Variants in GRID2 observed in about 807,000 individuals in gnomAD.
The protein encoded by GRID2 is glutamate ionotropic receptor delta type subunit 2.
In GRID2, 33 loss-of-function variants were observed where a neutral mutation model predicts 114.8. The ratio of observed to expected loss-of-function variants is 0.29; its 90% CI spans 0.22 to 0.38. The LOEUF (loss-of-function observed/expected upper bound fraction) is 0.38. Ranked by LOEUF, GRID2 falls within the 10% of genes least tolerant of loss-of-function variation. The probability of loss-of-function intolerance (pLI) is 1.00; values close to 1 mark genes in which losing one functional copy is unlikely to be tolerated. For missense variants in GRID2, 1,184 were observed against 1,257.7 expected (o/e 0.94, Z 0.89); for synonymous variants, 505 against 449.9 (o/e 1.12, Z -1.55).
chr4:93,352,987 TG>T (rs1760951630), intron 8 of GRID2, among the ~76,000 whole-genome samples: 1 of 151,998 alleles, frequency 6.6e-6, no homozygotes, highest in South Asian at 2.1e-4. Flanking sequence ...AAAGCGGAGT[TG>T]TGAAGAGCTA....
intron 2 of GRID2, among the ~76,000 whole-genome samples, chr4:92,698,099 G>A (rs943664740): frequency 3.9e-5 from 6 of 152,078 alleles, no homozygotes; most frequent in Admixed American, 1.3e-4. Context: ...TATTGTGCAC[G>A]ACAGAGATAA....
intron 2 of GRID2, among the ~76,000 whole-genome samples, chr4:92,614,669 G>A (rs1258052791): frequency 2.0e-5 from 3 of 151,640 alleles, no homozygotes; most frequent in Non-Finnish European, 4.4e-5. Context: ...TTGATAGAAT[G>A]TGTATTTGCT....
intron 14 of GRID2, among the ~76,000 whole-genome samples, chr4:93,697,869 G>GTATGTATATATATATATATATATATA (rs1727165197): frequency 8.2e-6 from 1 of 122,656 alleles, no homozygotes; most frequent in Non-Finnish European, 1.7e-5. Flanking sequence ...CACAATGTGT[G>GTATGTATATATATATATATATATATA]TATATATATA....
chr4:92,803,604 T>C (rs1740275583), intron 2 of GRID2, among the ~76,000 whole-genome samples: 2 of 151,982 alleles, frequency 1.3e-5, no homozygotes, highest in South Asian at 4.1e-4. Context: ...TTTCTGTGTG[T>C]TTATAGAATT....
In GRID2 at chr4:92,445,328, C is replaced by T. The variant is rs542531346; in HGVS notation, c.88+140584C>T. ...ATTGAGATGCATCATTCCTGACAAT[C>T]TTTGCCTTCACCCTTCAAGTACCAT... On this transcript the variant is annotated intron_variant, in intron 1 of 15. Coordinates refer to ENST00000282020, the MANE Select transcript of GRID2 (RefSeq NM_001510.4). Among the ~76,000 whole-genome samples the T allele has an allele frequency of 1.8e-4, 28 of 152,294 alleles. No homozygotes were observed. In the South Asian group the frequency reaches 5.4e-3, roughly 29 times the overall value.
At chr4:92,786,033 A>G (rs2149361375) in intron 2 of GRID2, among the ~76,000 whole-genome samples, 1 of 151,940 alleles carries the variant, frequency 6.6e-6, no homozygotes, top group East Asian at 1.9e-4. Context: ...CATGGAAATG[A>G]GTTAGGTACC....
intron 2 of GRID2, among the ~76,000 whole-genome samples, chr4:92,655,107 G>A (rs1252202166): frequency 1.3e-5 from 2 of 151,942 alleles, no homozygotes; most frequent in African/African-American, 4.8e-5. Context: ...TCTTCTGCAT[G>A]TGGTTATGCA....
chr4:93,793,549 T>C (rs769861639), intron 1 of GRID2, among the ~76,000 whole-genome samples: 13 of 152,212 alleles, frequency 8.5e-5, no homozygotes, highest in Non-Finnish European at 1.8e-4. Flanking sequence ...ATTTCAACCA[T>C]CATTGATGCT....
intron 8 of GRID2, among the ~76,000 whole-genome samples, chr4:93,301,908 C>G (rs1039832366): frequency 6.6e-6 from 1 of 151,962 alleles, no homozygotes; most frequent in African/African-American, 2.4e-5. Flanking sequence ...TCAGGAAATT[C>G]GACAAATTTC....
chr4:92,604,720 G>C (rs1729373162), intron 2 of GRID2, among the ~76,000 whole-genome samples: 1 of 151,996 alleles, frequency 6.6e-6, no homozygotes, highest in Admixed American at 6.6e-5. Context: ...TATTATGTCT[G>C]ACAAAATGGA....
intron 8 of GRID2, among the ~76,000 whole-genome samples, chr4:93,275,572 A>G (rs1281938962): frequency 6.6e-6 from 1 of 151,762 alleles, no homozygotes; most frequent in African/African-American, 2.4e-5. Flanking sequence ...ACGAGGGTTC[A>G]ATTTCTCCAC....
chr4:92,634,857 G>A (rs368477049), intron 2 of GRID2, among the ~76,000 whole-genome samples: 17 of 129,244 alleles, frequency 1.3e-4, no homozygotes, highest in African/African-American at 4.7e-4. Flanking sequence ...GTTGCAGAGA[G>A]ACAGAGAGAG....
In GRID2 at chr4:92,926,191, G is replaced by A. The variant is rs149698720; in HGVS notation, c.245-158804G>A. ...ATTTTGGTCCAAGTAAATAAGAAGC[G>A]ACTGATGGTCCCACTAAACAAAATA... On this transcript the variant is annotated intron_variant, in intron 2 of 15. Coordinates refer to ENST00000282020, the MANE Select transcript of GRID2 (RefSeq NM_001510.4). Among the ~76,000 whole-genome samples the A allele has an allele frequency of 4.4e-3, 673 of 152,026 alleles. 8 individuals are homozygous for A. The highest frequency in any genetic ancestry group is 0.016 in the African/African-American group (647 of 41,520).
At chr4:92,687,859 G>A (rs1013032548) in intron 2 of GRID2, among the ~76,000 whole-genome samples, 4 of 151,476 alleles carry the variant, frequency 2.6e-5, no homozygotes, top group Non-Finnish European at 5.9e-5. Context: ...CTAAAAAAAG[G>A]CTAATGATCA....
intron 13 of GRID2, among the ~76,000 whole-genome samples, chr4:93,585,355 A>G (rs978724098): frequency 2.0e-5 from 3 of 152,144 alleles, no homozygotes; most frequent in African/African-American, 7.2e-5. Flanking sequence ...AGTTTGCTCA[A>G]CTTTAATTTT....
intron 2 of GRID2, among the ~76,000 whole-genome samples, chr4:92,819,712 G>T (rs895704821): frequency 8.5e-5 from 13 of 152,124 alleles, no homozygotes; most frequent in South Asian, 2.1e-4. Flanking sequence ...TACTACGACA[G>T]CATAGGTGAC....
chr4:93,522,695 G>A (rs1289484786), intron 13 of GRID2, among the ~76,000 whole-genome samples: 2 of 152,058 alleles, frequency 1.3e-5, no homozygotes, highest in East Asian at 3.9e-4. Flanking sequence ...AGATGGGACT[G>A]GAATTCTTGG....
At chr4:92,740,881 G>A (rs1736864039) in intron 2 of GRID2, among the ~76,000 whole-genome samples, 1 of 151,982 alleles carries the variant, frequency 6.6e-6, no homozygotes, top group East Asian at 1.9e-4. Context: ...TGACTACCTG[G>A]GACTACAGGT....
In GRID2 at chr4:93,626,510, G is replaced by T. The variant is rs1351048872; in HGVS notation, c.2360+75G>T. 7.5e-6 allele frequency: 7 copies of T among 930,588 alleles called. No individual in the cohort carries two copies. In the Admixed American group the frequency reaches 1.5e-4, roughly 20 times the overall value. 57.6% of individuals were successfully genotyped at this position (930,588 alleles called of 1,614,324 possible). A position where few individuals can be genotyped will look rare whatever the true frequency, so the allele number is the denominator to read the frequency against. On this transcript the variant is annotated intron_variant, in intron 14 of 15. Transcript: ENST00000282020. ...GAATATCCATTTGGTTACCAGATCT[G>T]GTTTATTACATTTTGTTTCCTTTGT... is the stretch of plus-strand genomic sequence containing the variant.
Sources: gnomAD v4.1 joint callset for allele counts (sites outside exome capture counted in the v4.1 genomes callset) on GRCh38, gnomAD v4.1.1 for gene constraint, MANE v1.5 for transcripts, NCBI Gene and HGNC (gene_info 2026-07-23, HGNC 2026-07-21) for gene names.